MIIP: variants seen among roughly 807,000 people sequenced by gnomAD.
MIIP encodes the protein migration and invasion inhibitory protein, also known as migration and invasion-inhibitory protein.
MIIP carries 44 observed loss-of-function variants against 44.8 expected under a neutral mutation model. That is an observed-to-expected ratio of 0.98 (90% confidence interval 0.77 to 1.26). The LOEUF is 1.26. Ranked by LOEUF, MIIP falls within the 50% of genes most tolerant of loss-of-function variation. MIIP has a pLI of 0.00. For synonymous variants in MIIP, 225 were observed against 218.3 expected, an observed-to-expected ratio of 1.03 and a Z score of -0.27; for missense variants, 496 against 511.7, an observed-to-expected ratio of 0.97 and a Z score of 0.30.
chr1:12,021,912 C>A, intron 2 of MIIP, 72 bp downstream of exon 2: 2 of 1,371,046 alleles, frequency 1.5e-6, no homozygotes, highest in Non-Finnish European at 9.9e-7. Context: ...GGCTTCTGGG[C>A]TCATCTTGTT....
In MIIP at chr1:12,022,761, C is replaced by T; in HGVS notation, c.463-72C>T. The T allele has an allele frequency of 3.4e-6, 4 of 1,173,274 alleles. No individual in the cohort carries two copies. In the South Asian group the frequency reaches 5.3e-5, roughly 15 times the overall value. 72.7% of individuals were successfully genotyped at this position (1,173,274 alleles called of 1,614,324 possible). A position where few individuals can be genotyped will look rare whatever the true frequency, so the allele number is the denominator to read the frequency against. On this transcript the variant is annotated intron_variant, in intron 3 of 9. Coordinates refer to ENST00000235332, the MANE Select transcript of MIIP (RefSeq NM_021933.4). ...GTAAGTTAAGACACAGTCTCTCTGT[C>T]CCTCGAATTGCGGCTTCCTCTGGGC... is the stretch of plus-strand genomic sequence containing the variant.
At position 12,030,048 on chromosome 1, in the gene MIIP, T is replaced by C; in HGVS notation, c.866T>C (p.Ile289Thr). The change falls in exon 8 of 10, where the codon ATC becomes ACC. Residue 289 changes from isoleucine (I) to threonine (T), a missense_variant. Coordinates refer to ENST00000235332, the MANE Select transcript of MIIP (RefSeq NM_021933.4). ...AHVRVSIPLS[I>T]LEPPHRYHIH... Reference sequence around the variant, plus strand: ...CGCAGGGTGAGCATCCCGCTGTCGATCCTGGAGCCCCCGCACCGGTACCAC... The same window carrying C: ...CGCAGGGTGAGCATCCCGCTGTCGACCCTGGAGCCCCCGCACCGGTACCAC... 6.2e-7 allele frequency: 1 copy of C among 1,613,538 alleles called. No individual in the cohort carries two copies. The highest frequency in any genetic ancestry group is 1.1e-5 in the South Asian group (1 of 91,084).
intron 4 of MIIP, among the ~76,000 whole-genome samples, chr1:12,026,163 G>C (rs750301943): frequency 6.6e-6 from 1 of 152,110 alleles, no homozygotes; most frequent in Non-Finnish European, 1.5e-5. Flanking sequence ...AAATTAGCCA[G>C]GTGTGGTGGC....
intron 8 of MIIP, among the ~76,000 whole-genome samples, chr1:12,030,792 C>T (rs1640225914): frequency 6.7e-6 from 1 of 148,872 alleles, no homozygotes; most frequent in South Asian, 2.1e-4. Flanking sequence ...AAAAAAATGT[C>T]CTTTCCTGTG....
intron 1 of MIIP, among the ~76,000 whole-genome samples, chr1:12,021,441 T>C (rs1639973710): frequency 6.6e-6 from 1 of 151,838 alleles, no homozygotes; most frequent in African/African-American, 2.4e-5. Context: ...TTTCTACAAA[T>C]GTTGTCCAGG....
intron 9 of MIIP, 79 bp downstream of exon 9, chr1:12,031,482 G>A: frequency 1.3e-6 from 2 of 1,566,010 alleles, no homozygotes; most frequent in South Asian, 1.2e-5. Context: ...GGACTGCAGA[G>A]CCTCCTGGGG....
intron 4 of MIIP, chr1:12,024,001 TAAGC>T (rs1640047805): frequency 6.6e-6 from 1 of 151,266 alleles, no homozygotes; most frequent in Non-Finnish European, 1.5e-5. Context: ...CTCCAAAAAA[TAAGC>T]AAGCAAAAAA....
At chr1:12,030,225 G>A in intron 8 of MIIP, 101 bp downstream of exon 8, 1 of 1,133,054 alleles carries the variant, frequency 8.8e-7, no homozygotes, top group South Asian at 1.3e-5. Context: ...GCTCGACAAG[G>A]GTGAGCGCCC....
rs910043534 is a variant in MIIP, at chr1:12,021,839, A to G, written c.113A>G (p.Glu38Gly). Residue 38 changes from glutamate to glycine, a missense_variant and splice_region_variant, in exon 2 of 10, where the codon GAG (glutamate) becomes GGG (glycine). Glu to Gly is a moderately conservative substitution (Grantham distance 98). Coordinates refer to ENST00000235332, the MANE Select transcript of MIIP (RefSeq NM_021933.4). ...VRRSVARAAS[E>G]SSLESSSSYN... ...CGGTCAGTGGCCAGGGCAGCCTCGG[A>G]GGTGCGTGCCCGCCTTGGGAACCCC... 5.6e-6 allele frequency: 9 copies of G among 1,603,314 alleles called. No homozygotes were observed. The highest frequency in any genetic ancestry group is 7.7e-6 in the Non-Finnish European group (9 of 1,175,794).
At chr1:12,021,460 GCTTT>G (rs1639974071) in intron 1 of MIIP, among the ~76,000 whole-genome samples, 181 bp from the exon 2 acceptor site, 2 of 152,228 alleles carry the variant, frequency 1.3e-5, no homozygotes, top group East Asian at 3.9e-4. Flanking sequence ...GGCTTAACAT[GCTTT>G]CTTTAATTCT....
At chr1:12,023,689 T>TTTC (rs1640040038) in intron 4 of MIIP, among the ~76,000 whole-genome samples, 1 of 151,158 alleles carries the variant, frequency 6.6e-6, no homozygotes, top group Non-Finnish European at 1.5e-5. Flanking sequence ...TTTTTTTTTT[T>TTTC]TTCTTTGCTT....
intron 4 of MIIP, 104 bp downstream of exon 4, chr1:12,023,021 G>GT: frequency 1.4e-6 from 1 of 729,314 alleles, no homozygotes; most frequent in Non-Finnish European, 2.2e-6. Flanking sequence ...GCTGTTGCTT[G>GT]TTTCTCTGAC....
At chr1:12,030,153 A>T in intron 8 of MIIP, 29 bp downstream of exon 8, 1 of 1,604,424 alleles carries the variant, frequency 6.2e-7, no homozygotes, top group South Asian at 1.1e-5. Flanking sequence ...CTGGATGGTG[A>T]TGAGGGCGGG....
At position 12,029,271 on chromosome 1, in the gene MIIP, A is replaced by G. The variant is rs1640173322; in HGVS notation, c.705A>G (p.Glu235=). ...LRESSGSGVE[E]DHECVYCYRV... is the part of the protein sequence containing the mutation. ...AGAGCAGTGGCAGCGGCGTGGAGGA[A>G]GACCATGAATGTGAGTGCGGGCCCT... is the stretch of plus-strand genomic sequence containing the variant. The change falls in exon 6 of 10, where the codon GAA becomes GAG. Residue 235 remains glutamate (E), a synonymous_variant. Transcript: ENST00000235332. 6.2e-7 allele frequency: 1 copy of G among 1,613,252 alleles called. No homozygotes were observed. The highest frequency in any genetic ancestry group is 1.7e-5 in the Admixed American group (1 of 59,988).
Position 12,021,783 on chromosome 1 carries a change from G to A in MIIP, c.57G>A (p.Arg19=), listed in dbSNP as rs897610013. 8 of 1,613,018 alleles carry A rather than the reference G, an allele frequency of 5.0e-6. No homozygotes were observed. Among genetic ancestry groups the A allele is most frequent in the Non-Finnish European group, 6.8e-6 (8 of 1,179,978 alleles). The change falls in exon 2 of 10, where the codon AGG becomes AGA. Residue 19 remains arginine (R), a synonymous_variant. Transcript: ENST00000235332. ...GGCTGCTCAATCTGGAGCTCCTGAG[G>A]CAGCTGTGGGTGGGGCAGGATGCTG... ...QLRLLNLELL[R]QLWVGQDAVR...
chr1:12,020,735 G>A (rs985674407), intron 1 of MIIP, among the ~76,000 whole-genome samples: 6 of 152,162 alleles, frequency 3.9e-5, no homozygotes, highest in African/African-American at 1.2e-4. Context: ...CCAGGCTGGA[G>A]CGCAATGGTG....
intron 4 of MIIP, among the ~76,000 whole-genome samples, chr1:12,025,040 G>GTTGTTTTTTT (rs1640074475): frequency 7.2e-6 from 1 of 138,848 alleles, no homozygotes; most frequent in Admixed American, 7.2e-5. Flanking sequence ...TTTTTTTTTT[G>GTTGTTTTTTT]TTTTTTGTTT....
chr1:12,021,804 T>C lies in MIIP; in HGVS notation c.78T>C (p.Asp26=). The change falls in exon 2 of 10, where the codon GAT becomes GAC. Residue 26 remains aspartate (D), a synonymous_variant. Coordinates refer to ENST00000235332, the MANE Select transcript of MIIP (RefSeq NM_021933.4). ...TGAGGCAGCTGTGGGTGGGGCAGGA[T>C]GCTGTGCGGCGGTCAGTGGCCAGGG... ...ELLRQLWVGQ[D]AVRRSVARAA... is the part of the protein sequence containing the mutation. 6.2e-7 allele frequency: 1 copy of C among 1,612,342 alleles called. No individual in the cohort carries two copies. Among genetic ancestry groups the C allele is most frequent in the Non-Finnish European group, 8.5e-7 (1 of 1,179,888 alleles).
At chr1:12,028,516 C>T (rs547271887) in intron 4 of MIIP, among the ~76,000 whole-genome samples, 6 of 152,240 alleles carry the variant, frequency 3.9e-5, no homozygotes, top group African/African-American at 1.4e-4. Flanking sequence ...CATCTCCCTG[C>T]GATGTCCTTC....
Sources: gnomAD v4.1 joint callset for allele counts (sites outside exome capture counted in the v4.1 genomes callset) on GRCh38, gnomAD v4.1.1 for gene constraint, MANE v1.5 for transcripts, NCBI Gene and HGNC (gene_info 2026-07-23, HGNC 2026-07-21) for gene names.